Variants in KAZN observed in about 807,000 individuals in gnomAD.
KAZN encodes the protein kazrin, periplakin interacting protein.
Under a neutral mutation model 87.4 loss-of-function variants are expected in KAZN, and 40 were observed. The observed-to-expected ratio is 0.46, with a 90% CI of 0.36 to 0.60. KAZN has a LOEUF of 0.60. Among genes scored for constraint, KAZN ranks in the 20% least tolerant of loss-of-function variants. The pLI, the probability that KAZN is intolerant of heterozygous loss-of-function variation, is 0.00. For synonymous variants in KAZN, 466 were observed against 458.3 expected, an observed-to-expected ratio of 1.02 and a Z score of -0.22; for missense variants, 898 against 1,073.9, an observed-to-expected ratio of 0.84 and a Z score of 2.29.
chr1:14,310,993 T>C (rs1225286918), intron 2 of KAZN, among the ~76,000 whole-genome samples: 1 of 152,204 alleles, frequency 6.6e-6, no homozygotes, highest in East Asian at 1.9e-4. Context: ...ATCAGAGTTG[T>C]TGTCCTGTCG....
intron 8 of KAZN, among the ~76,000 whole-genome samples, chr1:15,088,393 G>A (rs977503104): frequency 3.3e-5 from 5 of 152,018 alleles, no homozygotes; most frequent in African/African-American, 1.2e-4. Flanking sequence ...GTGTGCATGC[G>A]TGCATATGTG....
At chr1:14,964,385 G>C (rs1006631985) in intron 2 of KAZN, among the ~76,000 whole-genome samples, 1 of 152,144 alleles carries the variant, frequency 6.6e-6, no homozygotes, top group Non-Finnish European at 1.5e-5. Flanking sequence ...TGGAGATGTT[G>C]CTTGTCTGAT....
chr1:14,996,859 G>A lies in KAZN; in HGVS notation c.418+35984G>A, dbSNP rs186960431. On this transcript the variant is annotated intron_variant, in intron 2 of 14. Coordinates refer to ENST00000376030, the MANE Select transcript of KAZN (RefSeq NM_201628.3). This position sits in a 1 kb window ranked among gnomAD's most constrained non-coding sequence, Gnocchi z 5.9. Reference sequence around the variant, plus strand: ...CTGGGAGGGAGGGCCGTTTGCCTGCGGCCCCATGACCTCGCACCCACCTCC... The same window carrying A: ...CTGGGAGGGAGGGCCGTTTGCCTGCAGCCCCATGACCTCGCACCCACCTCC... 8.0e-4 allele frequency among the ~76,000 whole-genome samples: 122 copies of A among 152,286 alleles called. No homozygotes were observed. The highest frequency in any genetic ancestry group is 6.1e-3 in the Admixed American group (94 of 15,306).
chr1:14,415,379 G>A (rs1664664419), intron 2 of KAZN, among the ~76,000 whole-genome samples: 2 of 152,048 alleles, frequency 1.3e-5, no homozygotes, highest in African/African-American at 2.4e-5. Context: ...TAAAATTGAG[G>A]GTTTGGGTAA....
chr1:14,759,965 G>A (rs76381813), intron 1 of KAZN, among the ~76,000 whole-genome samples: 1,924 of 151,974 alleles, frequency 0.013, 47 homozygotes, highest in African/African-American at 0.043. Flanking sequence ...AAGTACCTGG[G>A]AATTAATGTC....
At chr1:14,254,987 G>A (rs2100628478) in intron 2 of KAZN, among the ~76,000 whole-genome samples, 1 of 152,050 alleles carries the variant, frequency 6.6e-6, no homozygotes, top group South Asian at 2.1e-4. Flanking sequence ...CAGGTGTGGT[G>A]GCATGTGCCT....
chr1:15,084,306 G>C (rs1640147203), intron 8 of KAZN, among the ~76,000 whole-genome samples: 2 of 152,230 alleles, frequency 1.3e-5, no homozygotes. Flanking sequence ...GCACAGCAGT[G>C]CCAGCAGGAA....
At chr1:14,864,392 G>A (rs368135693) in intron 1 of KAZN, among the ~76,000 whole-genome samples, 10 of 151,980 alleles carry the variant, frequency 6.6e-5, no homozygotes, top group Non-Finnish European at 8.8e-5. Flanking sequence ...GTAAAACCCC[G>A]TCTCTACTAA....
At chr1:14,384,351 T>G (rs966464036) in intron 2 of KAZN, among the ~76,000 whole-genome samples, 1 of 152,134 alleles carries the variant, frequency 6.6e-6, no homozygotes, top group Non-Finnish European at 1.5e-5. Context: ...TCCAACACTA[T>G]GTTGAATAGG....
At chr1:14,099,492 A>G (rs1276868925) in intron 1 of KAZN, among the ~76,000 whole-genome samples, 2 of 152,146 alleles carry the variant, frequency 1.3e-5, no homozygotes, top group East Asian at 3.9e-4. Context: ...GTTAACAGTC[A>G]ATTTATAGAC....
chr1:14,995,298 G>A (rs531625249), intron 2 of KAZN, among the ~76,000 whole-genome samples: 23 of 152,272 alleles, frequency 1.5e-4, no homozygotes, highest in African/African-American at 5.5e-4. Flanking sequence ...TCCACATCCC[G>A]GTTCTCTTAG....
intron 2 of KAZN, among the ~76,000 whole-genome samples, chr1:14,239,064 C>A (rs2359954): frequency 0.47 from 70,962 of 152,018 alleles, 17,862 homozygotes; most frequent in Non-Finnish European, 0.57. Context: ...AGTTTCCTCT[C>A]TCTTTCTTTC....
chr1:14,109,520 T>C (rs184687255), intron 1 of KAZN, among the ~76,000 whole-genome samples: 1 of 152,336 alleles, frequency 6.6e-6, no homozygotes, highest in Non-Finnish European at 1.5e-5. Context: ...CCTGGACTTA[T>C]AACCTCACTC....
intron 2 of KAZN, among the ~76,000 whole-genome samples, chr1:14,441,662 T>C (rs1195147287): frequency 6.6e-6 from 1 of 152,210 alleles, no homozygotes; most frequent in Non-Finnish European, 1.5e-5. Context: ...AATTTTTTGG[T>C]GCAATTTTAC....
Position 14,007,458 on chromosome 1 carries a change from T to C in KAZN, c.91+113702T>C, listed in dbSNP as rs117931169. ...CCTGTGCATTTAAAACACAATGCCA[T>C]TCCCAAGCAGATATGCACACCCAGC... On this transcript the variant is annotated intron_variant, in intron 1 of 16. Coordinates refer to the KAZN transcript ENST00000636203. 1.6e-3 allele frequency among the ~76,000 whole-genome samples: 244 copies of C among 152,258 alleles called. 4 individuals are homozygous for C. In the South Asian group the frequency reaches 0.029, roughly 18 times the overall value.
intron 8 of KAZN, among the ~76,000 whole-genome samples, chr1:15,082,151 G>A (rs1640033256): frequency 6.6e-6 from 1 of 151,126 alleles, no homozygotes; most frequent in Non-Finnish European, 1.5e-5. Context: ...TGGCAGCCGA[G>A]GTCCAAGTGC....
intron 2 of KAZN, among the ~76,000 whole-genome samples, chr1:14,414,742 A>G (rs1664608761): frequency 6.6e-6 from 1 of 152,204 alleles, no homozygotes; most frequent in Non-Finnish European, 1.5e-5. Context: ...AGGAACACAG[A>G]GGCCAGGAGC....
intron 5 of KAZN, 41 bp from the exon 6 acceptor site, chr1:15,060,131 T>C (rs1444596982): frequency 6.2e-7 from 1 of 1,611,592 alleles, no homozygotes; most frequent in Non-Finnish European, 8.5e-7. Flanking sequence ...GGCGAGGACG[T>C]TCTCTCCATC....
At chr1:14,767,066 G>A (rs732469) in intron 1 of KAZN, among the ~76,000 whole-genome samples, 129,652 of 152,060 alleles carry the variant, frequency 0.85, 55,919 homozygotes, top group Non-Finnish European at 0.92. Flanking sequence ...AAGGAATTAT[G>A]GATCCTGATC....
Sources: allele counts gnomAD v4.1 joint callset (sites outside exome capture counted in the v4.1 genomes callset), GRCh38; gene constraint gnomAD v4.1.1; non-coding constraint Gnocchi (gnomAD v3.1); transcripts MANE v1.5; gene names NCBI Gene and HGNC (gene_info 2026-07-23, HGNC 2026-07-21).